The following SENP7 variants were observed in gnomAD, a reference collection of about 807,000 sequenced individuals.
The protein encoded by SENP7 is sentrin-specific protease 7.
A neutral mutation model predicts 141.2 loss-of-function variants in SENP7; 64 were observed. That is an observed-to-expected ratio of 0.45 (90% CI 0.37 to 0.56). SENP7 has a LOEUF of 0.56. SENP7 is among the 20% of genes least tolerant of loss of function. SENP7 has a pLI of 0.00. For missense variants in SENP7, 1,025 were observed against 1,212.2 expected (o/e 0.85, Z 2.29); for synonymous variants, 382 against 426.4 (o/e 0.90, Z 1.28).
intron 3 of SENP7, among the ~76,000 whole-genome samples, chr3:101,481,034 A>G (rs1201395661): frequency 2.6e-5 from 4 of 151,900 alleles, no homozygotes. Context: ...GTGGGAATGT[A>G]AATTAGTATA....
intron 2 of SENP7, among the ~76,000 whole-genome samples, chr3:101,494,802 G>A (rs915171800): frequency 1.3e-5 from 2 of 152,012 alleles, no homozygotes; most frequent in Middle Eastern, 3.2e-3. Flanking sequence ...ATTCAAGATG[G>A]ATTAAAGACT....
rs762075915 is a variant in SENP7 at position 101,364,890 on chromosome 3, T to C, written c.1420A>G (p.Ser474Gly). The C allele has an allele frequency of 2.4e-5, 38 of 1,604,120 alleles. No individual in the cohort carries two copies. Among genetic ancestry groups the C allele is most frequent in the East Asian group, 1.1e-4 (5 of 44,168 alleles). Reference protein sequence around the residue: ...QDRETTNENESTSESALLELP... With the variant: ...QDRETTNENEGTSESALLELP... Reference sequence around the variant, plus strand: ...TCTAACAATGCTGATTCAGAAGTACTCTCATTTTCATTAGTTGTCTCACGG... The same window carrying C: ...TCTAACAATGCTGATTCAGAAGTACCCTCATTTTCATTAGTTGTCTCACGG... The change falls in exon 10 of 24, where the codon AGT becomes GGT. Residue 474 changes from serine to glycine, a missense_variant. Physicochemically the swap from Ser to Gly is moderately conservative, Grantham distance 56 (BLOSUM62 0). Transcript: ENST00000394095.
chr3:101,443,086 A>T (rs1057294065), intron 4 of SENP7, among the ~76,000 whole-genome samples: 7 of 152,246 alleles, frequency 4.6e-5, no homozygotes, highest in South Asian at 2.1e-4. Flanking sequence ...GTTTTAGGTC[A>T]AACGTTTAAG....
intron 6 of SENP7, among the ~76,000 whole-genome samples, chr3:101,383,654 A>G (rs1049763301): frequency 4.6e-5 from 7 of 152,214 alleles, no homozygotes; most frequent in Non-Finnish European, 1.0e-4. Context: ...CCAGGTGTAC[A>G]CATGCTCGGG....
intron 4 of SENP7, among the ~76,000 whole-genome samples, chr3:101,419,279 G>A (rs6802335): frequency 0.023 from 3,492 of 152,246 alleles, 93 homozygotes; most frequent in South Asian, 0.13. Context: ...TCTAAGAATG[G>A]GCAGTTAGGC....
At chr3:101,357,814 A>G in intron 11 of SENP7, 3 of 593,904 alleles carry the variant, frequency 5.1e-6, no homozygotes, top group Admixed American at 2.3e-5. Flanking sequence ...CTTACTACAC[A>G]TAAGAAAGTT....
intron 5 of SENP7, among the ~76,000 whole-genome samples, chr3:101,413,826 G>A (rs1038835737): frequency 6.6e-6 from 1 of 152,008 alleles, no homozygotes; most frequent in African/African-American, 2.4e-5. Context: ...CCCTAAACCT[G>A]AAGTACATTG....
chr3:101,419,842 T>A (rs1455043251), intron 4 of SENP7, among the ~76,000 whole-genome samples: 1 of 152,232 alleles, frequency 6.6e-6, no homozygotes, highest in Admixed American at 6.5e-5. Context: ...CATTTTACAA[T>A]GATTTATTTC....
At chr3:101,334,041 G>C (rs2059124395) in intron 17 of SENP7, among the ~76,000 whole-genome samples, 1 of 152,174 alleles carries the variant, frequency 6.6e-6, no homozygotes, top group Admixed American at 6.5e-5. Flanking sequence ...TCGCGCTCCT[G>C]TGAGTATCTA....
chr3:101,512,955 T>C, intron 1 of SENP7, 136 bp downstream of exon 1: 5 of 917,588 alleles, frequency 5.4e-6, no homozygotes, highest in Middle Eastern at 3.2e-4. Flanking sequence ...GAGCCTTCCA[T>C]TGTGCGCGCC....
chr3:101,343,414 C>T (rs890701915), intron 14 of SENP7, among the ~76,000 whole-genome samples: 2 of 151,946 alleles, frequency 1.3e-5, no homozygotes, highest in African/African-American at 4.8e-5. Flanking sequence ...ATAATTGTCC[C>T]TTATCCACCA....
chr3:101,509,822 G>A (rs942695970), intron 1 of SENP7, among the ~76,000 whole-genome samples: 5 of 152,130 alleles, frequency 3.3e-5, no homozygotes, highest in African/African-American at 1.2e-4. Flanking sequence ...TTTGAATTCT[G>A]TTCCTTACTA....
chr3:101,376,980 A>T (rs1314427548), intron 6 of SENP7, among the ~76,000 whole-genome samples: 2 of 152,194 alleles, frequency 1.3e-5, no homozygotes, highest in Non-Finnish European at 2.9e-5. Context: ...TTTTTAAACA[A>T]CCATCAGAAG....
chr3:101,379,420 C>T (rs556640797), intron 6 of SENP7, among the ~76,000 whole-genome samples: 7 of 152,062 alleles, frequency 4.6e-5, no homozygotes, highest in South Asian at 2.1e-4. Context: ...CAGAATGAGA[C>T]GAAATATTTG....
At chr3:101,417,108 A>G (rs1175596607) in intron 5 of SENP7, among the ~76,000 whole-genome samples, 1 of 152,188 alleles carries the variant, frequency 6.6e-6, no homozygotes, top group African/African-American at 2.4e-5. Flanking sequence ...GCAATATTTT[A>G]ACATCATCTC....
chr3:101,334,867 TCTC>T (rs2059144482), intron 17 of SENP7, among the ~76,000 whole-genome samples: 1 of 152,150 alleles, frequency 6.6e-6, no homozygotes, highest in Admixed American at 6.5e-5. Context: ...CCAAACATAA[TCTC>T]CTATTCTCAG....
At chr3:101,445,996 G>A (rs2062875797) in intron 4 of SENP7, among the ~76,000 whole-genome samples, 1 of 152,172 alleles carries the variant, frequency 6.6e-6, no homozygotes, top group South Asian at 2.1e-4. Context: ...CAAATCTCAT[G>A]TCATATTGTA....
intron 4 of SENP7, among the ~76,000 whole-genome samples, chr3:101,458,281 C>G (rs2063425223): frequency 6.6e-6 from 1 of 152,136 alleles, no homozygotes; most frequent in Admixed American, 6.5e-5. Flanking sequence ...CCCAATGAGT[C>G]TTCTAAATTT....
chr3:101,376,015 G>T (rs2060318507), intron 6 of SENP7, among the ~76,000 whole-genome samples: 1 of 152,134 alleles, frequency 6.6e-6, no homozygotes, highest in African/African-American at 2.4e-5. Flanking sequence ...TTCTGCTTGA[G>T]ATGAAAAAGT....
Sources: gnomAD v4.1 joint callset for allele counts (sites outside exome capture counted in the v4.1 genomes callset) on GRCh38, gnomAD v4.1.1 for gene constraint, MANE v1.5 for transcripts, NCBI Gene and HGNC (gene_info 2026-07-23, HGNC 2026-07-21) for gene names.